Variants in NBPF12 observed in about 807,000 individuals in gnomAD.
NBPF12 encodes the protein NBPF family member NBPF12.
NBPF12 carries 115 observed loss-of-function variants against 146.4 expected under a neutral mutation model. The ratio of observed to expected loss-of-function variants is 0.79; its 90% CI spans 0.68 to 0.92. The LOEUF is 0.92. NBPF12 is among the 40% of genes least tolerant of loss of function. The pLI, the probability that NBPF12 is intolerant of heterozygous loss-of-function variation, is 0.00. For synonymous variants in NBPF12, 385 were observed against 508.9 expected (o/e 0.76, Z 3.28); for missense variants, 1,205 against 1,326.8 (o/e 0.91, Z 1.43).
chr1:146,963,845 G>T (rs1570842973), intron 6 of NBPF12, among the ~76,000 whole-genome samples: 1 of 145,924 alleles, frequency 6.9e-6, no homozygotes, highest in Non-Finnish European at 1.5e-5. Context: ...TGATGTGGGG[G>T]CATTTGGTGG....
intron 18 of NBPF12, among the ~76,000 whole-genome samples, chr1:146,978,114 T>C (rs1657163935): frequency 6.6e-6 from 1 of 151,752 alleles, no homozygotes; most frequent in Non-Finnish European, 1.5e-5. Flanking sequence ...TTAAGTCAGC[T>C]TGCTTAGCTG....
intron 2 of NBPF12, among the ~76,000 whole-genome samples, chr1:146,958,083 A>T (rs1655686490): frequency 8.5e-6 from 1 of 117,208 alleles, no homozygotes; most frequent in African/African-American, 3.1e-5. Context: ...GGTTTGCTGC[A>T]CCCATTAACT....
chr1:146,949,718 A>G (rs1459528370), intron 1 of NBPF12, among the ~76,000 whole-genome samples: 1 of 148,248 alleles, frequency 6.7e-6, no homozygotes, highest in South Asian at 2.2e-4. Context: ...CAGGTTCACT[A>G]CAGATAATGA....
At chr1:146,955,751 T>C (rs1655555213) in intron 2 of NBPF12, among the ~76,000 whole-genome samples, 2 of 151,414 alleles carry the variant, frequency 1.3e-5, no homozygotes, top group Admixed American at 6.6e-5. Context: ...GGCCCTTATC[T>C]TGTCTCCTGC....
chr1:146,945,808 G>C (rs1655030998), upstream of NBPF12, among the ~76,000 whole-genome samples: 1 of 152,034 alleles, frequency 6.6e-6, no homozygotes, highest in African/African-American at 2.4e-5. Context: ...ATCAACTAAA[G>C]TCCATAGTTT....
chr1:146,994,276 G>A lies in NBPF12; in HGVS notation c.4131-56G>A, dbSNP rs587635876. The A allele has an allele frequency of 6.8e-6, 11 of 1,610,782 alleles. No individual in the cohort carries two copies. In the African/African-American group the frequency reaches 1.3e-4, roughly 20 times the overall value. ...TATGTTACTTCTGAAATCTAGTGAG[G>A]CTCTGTGGTGTCTGACTTTCCCTGG... On this transcript the variant is annotated intron_variant, in intron 33 of 33. Coordinates refer to ENST00000617844, the Ensembl canonical transcript of NBPF12.
chr1:146,981,682 C>T (rs1657406427), intron 19 of NBPF12, among the ~76,000 whole-genome samples: 1 of 151,964 alleles, frequency 6.6e-6, no homozygotes, highest in Non-Finnish European at 1.5e-5. Context: ...CCATCACTTT[C>T]AGTACACCAA....
At chr1:146,939,344 T>TGAG (rs375576959) in intron 1 of NBPF12, among the ~76,000 whole-genome samples, 3 of 152,014 alleles carry the variant, frequency 2.0e-5, no homozygotes, top group Non-Finnish European at 4.4e-5. Context: ...TCTGGGAACT[T>TGAG]GGGCAAGAGC....
Position 146,970,722 on chromosome 1 carries a change from G to A in NBPF12, c.1379+3G>A, listed in dbSNP as rs1553886273. 1.9e-3 allele frequency: 2,610 copies of A among 1,350,740 alleles called. 89 individuals are homozygous for A. Among genetic ancestry groups the A allele is most frequent in the African/African-American group, 0.013 (888 of 69,246 alleles). 83.7% of individuals were successfully genotyped at this position (1,350,740 alleles called of 1,614,324 possible). On this transcript the variant is annotated splice_donor_region_variant and intron_variant, in intron 12 of 33. Coordinates refer to ENST00000617844, the Ensembl canonical transcript of NBPF12. ...GTGCTGGAATCATCTTCCCCCAGGT[G>A]ACACTGAATACTCAGGAGCAAGTAA... is the stretch of plus-strand genomic sequence containing the variant.
chr1:146,940,350 T>C (rs1320890997), intron 1 of NBPF12, among the ~76,000 whole-genome samples: 107 of 152,050 alleles, frequency 7.0e-4, no homozygotes, highest in South Asian at 1.2e-3. Flanking sequence ...ACACCTGTAA[T>C]TCCAGCATTT....
At chr1:146,938,400 G>C (rs1474718476), upstream of NBPF12, among the ~76,000 whole-genome samples, 357 of 152,234 alleles carry the variant, frequency 2.3e-3, 6 homozygotes, top group Non-Finnish European at 2.8e-3. Flanking sequence ...GCTTCCGAGG[G>C]GGTGTGTCTC....
rs1356740678 is a variant in NBPF12, at chr1:146,970,700, C to G, written c.1360C>G (p.Leu454Val). The change falls in exon 12 of 34, where the codon CTG (leucine) becomes GTG (valine). Residue 454 changes from leucine to valine, a missense_variant. Transcript: ENST00000617844. ...TCAAGTTGAGGAGGATGAGAAAGTG[C>G]TGGAATCATCTTCCCCCAGGTGACA... The G allele has an allele frequency of 2.0e-5, 28 of 1,381,248 alleles. 1 individual carries two copies. The highest frequency in any genetic ancestry group is 1.4e-4 in the East Asian group (6 of 43,788). The allele number at this position is 1,381,248 out of a possible 1,614,324, so 85.6% of individuals were successfully genotyped here.
chr1:146,939,372 GC>G (rs1171343983), intron 1 of NBPF12, among the ~76,000 whole-genome samples: 2 of 152,036 alleles, frequency 1.3e-5, no homozygotes, highest in African/African-American at 2.4e-5. Context: ...CCCCTGACTT[GC>G]AAAGTTGGGG....
chr1:146,980,505 G>T (rs1387685189), intron 19 of NBPF12, among the ~76,000 whole-genome samples: 2 of 151,632 alleles, frequency 1.3e-5, no homozygotes, highest in Non-Finnish European at 2.9e-5. Context: ...TTTTGGGCAG[G>T]CCTGGTGGTG....
chr1:146,995,624 G>GA (rs1270080894), exon 34 of NBPF12: 4 of 150,936 alleles, frequency 2.7e-5, no homozygotes, highest in African/African-American at 9.9e-5. Context: ...GAAGTTGTCT[G>GA]AAAATGTCTT....
At chr1:146,944,688 G>T (rs1284332081), upstream of NBPF12, among the ~76,000 whole-genome samples, 1 of 151,514 alleles carries the variant, frequency 6.6e-6, no homozygotes, top group Non-Finnish European at 1.5e-5. Flanking sequence ...TTACAGTAGT[G>T]CGTCTCTCTC....
exon 20 of NBPF12, chr1:146,983,074 T>C: frequency 6.9e-6 from 11 of 1,602,830 alleles, no homozygotes; most frequent in Non-Finnish European, 9.3e-6. Flanking sequence ...CAAGTCTGCA[T>C]GGCTGTTGAC....
At position 146,976,918 on chromosome 1, in the gene NBPF12, T is replaced by C; in HGVS notation, c.2120-11T>C. On this transcript the variant is annotated splice_polypyrimidine_tract_variant and intron_variant, in intron 16 of 33. Coordinates refer to ENST00000617844, the Ensembl canonical transcript of NBPF12. ...TGGGAAATATCTGAATGAACACTTC[T>C]GTATTTACAGAAAATGATAACGATG... is the stretch of plus-strand genomic sequence containing the variant. The C allele has an allele frequency of 1.5e-6, 1 of 675,112 alleles. No individual in the cohort carries two copies. The highest frequency in any genetic ancestry group is 1.6e-5 in the South Asian group (1 of 60,874). The allele number at this position is 675,112 out of a possible 1,614,324, so 41.8% of individuals were successfully genotyped here. A position where few individuals can be genotyped will look rare whatever the true frequency, so the allele number is the denominator to read the frequency against.
At chr1:146,966,493 G>T (rs1553885656) in exon 9 of NBPF12, 1 of 1,440,786 alleles carries the variant, frequency 6.9e-7, no homozygotes, top group Non-Finnish European at 9.8e-7. Flanking sequence ...TGCCACAAAC[G>T]TCAGCATGGT....
Sources: gnomAD v4.1 joint callset for allele counts (sites outside exome capture counted in the v4.1 genomes callset) on GRCh38, gnomAD v4.1.1 for gene constraint, MANE v1.5 for transcripts, NCBI Gene and HGNC (gene_info 2026-07-23, HGNC 2026-07-21) for gene names.